Variants in ZFP64 observed in about 807,000 individuals in gnomAD.
The protein encoded by ZFP64 is ZFP64 zinc finger protein, also known as zinc finger protein 64.
ZFP64 carries 14 observed loss-of-function variants against 51.6 expected under a neutral mutation model. The observed-to-expected ratio is 0.27, with a 90% confidence interval of 0.18 to 0.42. The LOEUF (loss-of-function observed/expected upper bound fraction) is 0.42. Ranked by LOEUF, ZFP64 falls within the 10% of genes least tolerant of loss-of-function variation. The probability of loss-of-function intolerance (pLI) is 1.00; values close to 1 mark genes in which losing one functional copy is unlikely to be tolerated. For synonymous variants in ZFP64, 375 were observed against 361.4 expected, an observed-to-expected ratio of 1.04 and a Z score of -0.43; for missense variants, 754 against 906.8, an observed-to-expected ratio of 0.83 and a Z score of 2.16.
intron 5 of ZFP64, among the ~76,000 whole-genome samples, chr20:52,123,738 T>C (rs1436889324): frequency 6.6e-6 from 1 of 152,202 alleles, no homozygotes; most frequent in East Asian, 1.9e-4. Flanking sequence ...ATTGGAGTCC[T>C]GGTTTCAAAG....
chr20:52,121,839 C>T (rs180709339), intron 5 of ZFP64, among the ~76,000 whole-genome samples: 227 of 152,298 alleles, frequency 1.5e-3, no homozygotes, highest in African/African-American at 5.4e-3. Context: ...AAAGGACAGG[C>T]TGATTTTCTT....
At chr20:52,167,380 A>G (rs1982362337) in intron 2 of ZFP64, among the ~76,000 whole-genome samples, 1 of 151,818 alleles carries the variant, frequency 6.6e-6, no homozygotes, top group Non-Finnish European at 1.5e-5. Flanking sequence ...ATTGTAAAAG[A>G]TAAGATAGGC....
At chr20:52,090,607 T>C (rs1243662976) in intron 7 of ZFP64, among the ~76,000 whole-genome samples, 6 of 151,978 alleles carry the variant, frequency 3.9e-5, no homozygotes, top group East Asian at 3.9e-4. Flanking sequence ...GAGACCAGCC[T>C]GGCCAACATG....
At chr20:52,145,640 A>G (rs1446438720) in intron 5 of ZFP64, among the ~76,000 whole-genome samples, 1 of 151,970 alleles carries the variant, frequency 6.6e-6, no homozygotes, top group Non-Finnish European at 1.5e-5. Context: ...CCCTTTCTCA[A>G]AAACAAAACA....
chr20:52,144,738 A>G (rs1049852237), intron 5 of ZFP64, among the ~76,000 whole-genome samples: 1 of 151,896 alleles, frequency 6.6e-6, no homozygotes, highest in Non-Finnish European at 1.5e-5. Context: ...AAATACAACA[A>G]TAAAAAAAGA....
chr20:52,178,449 A>G (rs1300753616), intron 2 of ZFP64, among the ~76,000 whole-genome samples: 1 of 152,220 alleles, frequency 6.6e-6, no homozygotes, highest in Non-Finnish European at 1.5e-5. Context: ...TAGAGTACTT[A>G]GAAAAGTGCA....
In ZFP64 at chr20:52,152,656, G is replaced by T; in HGVS notation, c.1536C>A (p.Val512=). The change falls in exon 6 of 6, where the codon GTC becomes GTA. Residue 512 remains valine, a synonymous_variant. Transcript: ENST00000216923. The part of the protein sequence containing the change: ...GHQVPQANTI[V]QAAAAAVNIV... ...TGTTCACTGCAGCGGCGGCAGCCTG[G>T]ACGATGGTGTTCGCCTGGGGCACCT... 1 of 1,537,006 alleles carries T rather than the reference G, an allele frequency of 6.5e-7. No homozygotes were observed. Among genetic ancestry groups the T allele is most frequent in the Non-Finnish European group, 8.7e-7 (1 of 1,145,068 alleles).
At chr20:52,179,261 G>A (rs1453779977) in intron 2 of ZFP64, among the ~76,000 whole-genome samples, 1 of 152,172 alleles carries the variant, frequency 6.6e-6, no homozygotes, top group African/African-American at 2.4e-5. Flanking sequence ...CAGCCATGTG[G>A]AACTGTGAGT....
chr20:52,111,101 G>C lies in ZFP64; in HGVS notation c.764-12514C>G, dbSNP rs976535008. The C allele has an allele frequency of 1.1e-5, 10 of 922,548 alleles. No homozygotes were observed. In the East Asian group the frequency reaches 1.3e-4, roughly 12 times the overall value. The allele number at this position is 922,548 out of a possible 1,614,324, so 57.1% of individuals were successfully genotyped here. Reference sequence around the variant, plus strand: ...AGGAGAAGGGGAAGCGGCAGGGAGAGAGACGCGGAGCGGGGCACGGCGGCA... The same window carrying C: ...AGGAGAAGGGGAAGCGGCAGGGAGACAGACGCGGAGCGGGGCACGGCGGCA... On this transcript the variant is annotated intron_variant, in intron 5 of 8. Transcript: ENST00000361387.
intron 5 of ZFP64, among the ~76,000 whole-genome samples, chr20:52,117,173 C>A (rs139017682): frequency 6.6e-6 from 1 of 152,274 alleles, no homozygotes; most frequent in African/African-American, 2.4e-5. Flanking sequence ...TTCTGTATGT[C>A]CAGAACCTGT....
intron 5 of ZFP64, among the ~76,000 whole-genome samples, chr20:52,109,743 T>C (rs1028618938): frequency 7.1e-6 from 1 of 141,742 alleles, no homozygotes; most frequent in African/African-American, 2.7e-5. Context: ...ATCGTGCCAC[T>C]GTACTCCAGC....
In ZFP64 at chr20:52,171,779, G is replaced by A. The variant is rs1297702441; in HGVS notation, c.287-5754C>T. On this transcript the variant is annotated intron_variant, in intron 2 of 5. Coordinates refer to ENST00000216923, the MANE Select transcript of ZFP64 (RefSeq NM_018197.3). ...TTTTTTTTTTTTGAGATGCAGTCTC[G>A]CTCTGTCACCCAGGCTGGAGTGCAA... 2.7e-5 allele frequency among the ~76,000 whole-genome samples: 4 copies of A among 145,526 alleles called. No homozygotes were observed. In the East Asian group the frequency reaches 6.1e-4, roughly 22 times the overall value.
chr20:52,113,592 C>CTTTTTTTTTTT (rs61331317), intron 5 of ZFP64, among the ~76,000 whole-genome samples: 1 of 126,954 alleles, frequency 7.9e-6, no homozygotes, highest in Non-Finnish European at 1.6e-5. Flanking sequence ...CCATACCTGG[C>CTTTTTTTTTTT]TTTTTTTTTT....
At chr20:52,084,546 C>A in exon 9 of ZFP64, 2 of 1,606,446 alleles carry the variant, frequency 1.2e-6, no homozygotes, top group Non-Finnish European at 8.5e-7. Flanking sequence ...TGACCACCCT[C>A]TTCGGCTGAG....
At chr20:52,120,071 T>A (rs1186340753) in intron 5 of ZFP64, among the ~76,000 whole-genome samples, 1 of 152,134 alleles carries the variant, frequency 6.6e-6, no homozygotes, top group Non-Finnish European at 1.5e-5. Flanking sequence ...AAGGAATTAG[T>A]GCCCTTATAA....
rs1480153649 is a variant in ZFP64 at position 52,152,555 on chromosome 20, A to G, written c.1637T>C (p.Val546Ala). The stretch of plus-strand genomic sequence containing the variant: ...GGACTGAGGGGGGGCGATCAGACTG[A>G]CCTGGCGCAGGATCTGCAGCCGGCT... ...GNSRLQILRQ[V>A]SLIAPPQSSR... The change falls in exon 6 of 6, where the codon GTC becomes GCC. Residue 546 changes from valine (V) to alanine (A), a missense_variant. Physicochemically the swap from Val to Ala is moderately conservative, Grantham distance 64 (BLOSUM62 0). This residue lies in a region of ZFP64 where 428 missense variants were observed against 472.4 expected (regional missense o/e 0.91). Coordinates refer to ENST00000216923, the MANE Select transcript of ZFP64 (RefSeq NM_018197.3). 6.3e-7 allele frequency: 1 copy of G among 1,575,248 alleles called. No homozygotes were observed. The highest frequency in any genetic ancestry group is 2.2e-5 in the East Asian group (1 of 44,578).
At chr20:52,110,520 G>T in intron 5 of ZFP64, 1 of 719,786 alleles carries the variant, frequency 1.4e-6, no homozygotes, top group South Asian at 1.6e-5. Flanking sequence ...TGATCTTCAG[G>T]TATTGCTCGG....
intron 5 of ZFP64, among the ~76,000 whole-genome samples, chr20:52,155,099 A>T (rs1024437770): frequency 2.0e-5 from 3 of 152,246 alleles, no homozygotes; most frequent in Non-Finnish European, 4.4e-5. Context: ...GTTATTACAG[A>T]GAAAAAATTG....
chr20:52,182,098 T>C (rs1211514330), intron 2 of ZFP64, among the ~76,000 whole-genome samples: 1 of 152,216 alleles, frequency 6.6e-6, no homozygotes, highest in African/African-American at 2.4e-5. Flanking sequence ...TTATGTGGAT[T>C]ATCGCAGAAT....
Sources: gnomAD v4.1 joint callset for allele counts (sites outside exome capture counted in the v4.1 genomes callset) on GRCh38, gnomAD v4.1.1 for gene constraint, gnomAD v4.1.1 regional missense constraint, MANE v1.5 for transcripts, NCBI Gene and HGNC (gene_info 2026-07-23, HGNC 2026-07-21) for gene names.